The following SORCS2 variants were observed in gnomAD, a reference collection of about 807,000 sequenced individuals.
The protein encoded by SORCS2 is VPS10 domain-containing receptor SorCS2.
Under a neutral mutation model 141.6 loss-of-function variants are expected in SORCS2, and 100 were observed. The ratio of observed to expected loss-of-function variants is 0.71; its 90% CI spans 0.60 to 0.83. The LOEUF (loss-of-function observed/expected upper bound fraction) is 0.83, where lower values mean the gene tolerates loss of function less well. Ranked by LOEUF, SORCS2 falls within the 40% of genes least tolerant of loss-of-function variation. The pLI is 0.00. For synonymous variants in SORCS2, 789 were observed against 676.9 expected (o/e 1.17, Z -2.57); for missense variants, 1,646 against 1,560.2 (o/e 1.05, Z -0.93).
At chr4:7,384,920 C>T (rs1723202161) in intron 1 of SORCS2, among the ~76,000 whole-genome samples, 1 of 152,242 alleles carries the variant, frequency 6.6e-6, no homozygotes, top group Non-Finnish European at 1.5e-5. Flanking sequence ...GAGGTCCAGG[C>T]TCGCCGGCTC....
chr4:7,728,474 G>C lies in SORCS2; in HGVS notation c.2982+12G>C, dbSNP rs1314630727. Reference sequence around the variant, plus strand: ...GGCTGCTCTCCAAGGTGTCCACCCAGAGCCTAGAGCCTCCCCAGCCCCACG... The same window carrying C: ...GGCTGCTCTCCAAGGTGTCCACCCACAGCCTAGAGCCTCCCCAGCCCCACG... On this transcript the variant is annotated intron_variant, in intron 22 of 26. Coordinates refer to ENST00000507866, the MANE Select transcript of SORCS2 (RefSeq NM_020777.3). The C allele has an allele frequency of 1.3e-6, 2 of 1,587,698 alleles. No individual in the cohort carries two copies. The highest frequency in any genetic ancestry group is 1.7e-6 in the Non-Finnish European group (2 of 1,162,904).
intron 3 of SORCS2, among the ~76,000 whole-genome samples, chr4:7,634,207 C>G (rs566354199): frequency 6.6e-6 from 1 of 152,242 alleles, no homozygotes; most frequent in African/African-American, 2.4e-5. Context: ...AACCCCATCT[C>G]TACTAAAAAT....
intron 11 of SORCS2, among the ~76,000 whole-genome samples, chr4:7,693,571 G>A (rs1024880024): frequency 1.3e-5 from 2 of 152,238 alleles, no homozygotes; most frequent in African/African-American, 4.8e-5. Context: ...CTGTGTCCCA[G>A]CTGATCATCC....
intron 2 of SORCS2, among the ~76,000 whole-genome samples, chr4:7,422,378 C>G (rs1468523165): frequency 1.3e-5 from 2 of 152,222 alleles, no homozygotes; most frequent in Non-Finnish European, 2.9e-5. Context: ...CCCGCTTCTA[C>G]AGCCTGGGCA....
chr4:7,383,228 T>A (rs1269476964), intron 1 of SORCS2, among the ~76,000 whole-genome samples: 1 of 152,246 alleles, frequency 6.6e-6, no homozygotes, highest in East Asian at 1.9e-4. Context: ...CATCAGAACC[T>A]CCAACCTCTA....
At chr4:7,202,578 G>T (rs1245217380) in intron 1 of SORCS2, among the ~76,000 whole-genome samples, 1 of 152,118 alleles carries the variant, frequency 6.6e-6, no homozygotes, top group Non-Finnish European at 1.5e-5. Flanking sequence ...TGTTGAGCTC[G>T]CCTTGACTCA....
intron 2 of SORCS2, among the ~76,000 whole-genome samples, chr4:7,484,122 A>G (rs1405623783): frequency 6.6e-6 from 1 of 152,204 alleles, no homozygotes; most frequent in Non-Finnish European, 1.5e-5. Flanking sequence ...AAGTATCAAC[A>G]TATGATGGGA....
At chr4:7,538,692 T>C (rs183197891) in intron 3 of SORCS2, among the ~76,000 whole-genome samples, 594 of 152,116 alleles carry the variant, frequency 3.9e-3, no homozygotes, top group Non-Finnish European at 6.2e-3. Context: ...ACCCACCATA[T>C]CACCCGGGCC....
chr4:7,676,679 C>T (rs1577063672), intron 9 of SORCS2, among the ~76,000 whole-genome samples: 1 of 150,986 alleles, frequency 6.6e-6, no homozygotes, highest in Admixed American at 6.6e-5. Context: ...CCCTTCGTCT[C>T]CTCCTTCCTC....
intron 1 of SORCS2, among the ~76,000 whole-genome samples, chr4:7,306,498 T>C (rs1191263550): frequency 2.6e-5 from 4 of 152,100 alleles, no homozygotes; most frequent in African/African-American, 7.2e-5. Flanking sequence ...TGAGGATGGC[T>C]GTTGGAGCAG....
chr4:7,538,875 A>T (rs1337371392), intron 3 of SORCS2, among the ~76,000 whole-genome samples: 1 of 152,230 alleles, frequency 6.6e-6, no homozygotes, highest in Non-Finnish European at 1.5e-5. Context: ...AGCTCAAAGT[A>T]TTGCGGAAAG....
intron 2 of SORCS2, among the ~76,000 whole-genome samples, chr4:7,417,378 C>G (rs1272702791): frequency 6.6e-6 from 1 of 152,178 alleles, no homozygotes; most frequent in Non-Finnish European, 1.5e-5. Context: ...ATATGGGCCA[C>G]TCTGGATGGA....
chr4:7,421,977 G>T (rs1372490073), intron 2 of SORCS2, among the ~76,000 whole-genome samples: 1 of 151,316 alleles, frequency 6.6e-6, no homozygotes, highest in African/African-American at 2.4e-5. Context: ...TTCCCTTGTC[G>T]ACCCCCACCT....
chr4:7,606,457 G>A (rs892746394), intron 3 of SORCS2, among the ~76,000 whole-genome samples: 28 of 152,040 alleles, frequency 1.8e-4, no homozygotes, highest in African/African-American at 4.8e-4. Flanking sequence ...CTTGTCCTTC[G>A]TTTCTGCTGC....
At chr4:7,457,453 C>T (rs891655833) in intron 2 of SORCS2, among the ~76,000 whole-genome samples, 14 of 152,004 alleles carry the variant, frequency 9.2e-5, no homozygotes, top group Admixed American at 7.9e-4. Flanking sequence ...GCCTGGCTCA[C>T]ACCAGGGAGC....
At chr4:7,500,775 T>C (rs1731918936) in intron 2 of SORCS2, among the ~76,000 whole-genome samples, 1 of 152,218 alleles carries the variant, frequency 6.6e-6, no homozygotes, top group African/African-American at 2.4e-5. Context: ...CCCTGGCTGC[T>C]GGAGGGCGGT....
intron 2 of SORCS2, among the ~76,000 whole-genome samples, chr4:7,496,762 A>G (rs1577658737): frequency 6.6e-6 from 1 of 152,112 alleles, no homozygotes; most frequent in East Asian, 1.9e-4. Flanking sequence ...GGCGGAATCC[A>G]AGGCGCCTTC....
intron 2 of SORCS2, among the ~76,000 whole-genome samples, chr4:7,526,845 A>T (rs983317759): frequency 5.3e-5 from 8 of 152,366 alleles, no homozygotes; most frequent in African/African-American, 1.9e-4. Flanking sequence ...AATAAAGAAC[A>T]GGTGAAATTA....
chr4:7,199,017 C>T (rs148023510), intron 1 of SORCS2, among the ~76,000 whole-genome samples: 46 of 152,228 alleles, frequency 3.0e-4, no homozygotes, highest in African/African-American at 1.0e-3. Flanking sequence ...CCAAAGCAGC[C>T]GGCAGGCCTT....
Sources: allele counts gnomAD v4.1 joint callset (sites outside exome capture counted in the v4.1 genomes callset), GRCh38; gene constraint gnomAD v4.1.1; transcripts MANE v1.5; gene names NCBI Gene and HGNC (gene_info 2026-07-23, HGNC 2026-07-21).